STAG1: variants seen among roughly 807,000 people sequenced by gnomAD.
STAG1 encodes the protein cohesin subunit SA-1.
A neutral mutation model predicts 170.9 loss-of-function variants in STAG1; 26 were observed. That is an observed-to-expected ratio of 0.15 (90% CI 0.11 to 0.21). The LOEUF (loss-of-function observed/expected upper bound fraction) is 0.21. Ranked by LOEUF, STAG1 falls within the 10% of genes least tolerant of loss-of-function variation. The probability of loss-of-function intolerance (pLI) is 1.00; values close to 1 mark genes in which losing one functional copy is unlikely to be tolerated. For synonymous variants in STAG1, 514 were observed against 497.7 expected, an observed-to-expected ratio of 1.03 and a Z score of -0.44; for missense variants, 964 against 1,509.5, an observed-to-expected ratio of 0.64 and a Z score of 5.99.
chr3:136,607,693 G>A (rs777344738), intron 3 of STAG1, among the ~76,000 whole-genome samples: 1 of 152,180 alleles, frequency 6.6e-6, no homozygotes, highest in African/African-American at 2.4e-5. Flanking sequence ...GTGAGCCACC[G>A]TGTCCGATGT....
At chr3:136,600,583 G>A (rs1427434375) in intron 4 of STAG1, among the ~76,000 whole-genome samples, 4 of 152,182 alleles carry the variant, frequency 2.6e-5, no homozygotes, top group African/African-American at 9.7e-5. Flanking sequence ...CCAGGCTGGC[G>A]TGTAGTGGCA....
At chr3:136,580,785 G>A (rs1041672761) in intron 4 of STAG1, among the ~76,000 whole-genome samples, 6 of 151,332 alleles carry the variant, frequency 4.0e-5, no homozygotes, top group East Asian at 3.9e-4. Context: ...CACCCGCCTC[G>A]GCCTCCCAAA....
At chr3:136,611,263 C>T (rs993413552) in intron 3 of STAG1, among the ~76,000 whole-genome samples, 1 of 152,054 alleles carries the variant, frequency 6.6e-6, no homozygotes, top group African/African-American at 2.4e-5. Context: ...GATTCTCCTG[C>T]CTCAGACTCC....
intron 1 of STAG1, among the ~76,000 whole-genome samples, chr3:136,650,817 T>C (rs549925536): frequency 2.0e-5 from 3 of 151,096 alleles, no homozygotes; most frequent in Non-Finnish European, 4.4e-5. Context: ...CAAGAAAAAA[T>C]AAACTGGTAG....
chr3:136,465,262 T>C (rs1476907272), intron 12 of STAG1, among the ~76,000 whole-genome samples: 3 of 142,334 alleles, frequency 2.1e-5, no homozygotes, highest in Non-Finnish European at 4.5e-5. Flanking sequence ...CTCTGTCAAC[T>C]AGGCTGGAGT....
intron 1 of STAG1, among the ~76,000 whole-genome samples, chr3:136,698,092 T>C (rs1261042258): frequency 5.3e-5 from 8 of 151,804 alleles, no homozygotes; most frequent in Non-Finnish European, 8.8e-5. Context: ...AAAACTCTTC[T>C]AGACATTGGC....
chr3:136,616,533 G>A (rs1939604225), intron 3 of STAG1, among the ~76,000 whole-genome samples: 1 of 152,116 alleles, frequency 6.6e-6, no homozygotes, highest in African/African-American at 2.4e-5. Flanking sequence ...GATCACAAAA[G>A]AGTGCACATT....
At chr3:136,477,922 T>C (rs1202942775) in intron 9 of STAG1, among the ~76,000 whole-genome samples, 2 of 152,118 alleles carry the variant, frequency 1.3e-5, no homozygotes, top group Non-Finnish European at 2.9e-5. Context: ...CCCAAGTAGC[T>C]GAGACTACAG....
chr3:136,649,346 G>A (rs889320770), intron 1 of STAG1, among the ~76,000 whole-genome samples: 2 of 151,928 alleles, frequency 1.3e-5, no homozygotes, highest in Non-Finnish European at 2.9e-5. Flanking sequence ...GGGCATGGTG[G>A]CACGTGCCTG....
intron 29 of STAG1, among the ~76,000 whole-genome samples, chr3:136,347,084 A>T (rs1341607747): frequency 2.7e-5 from 4 of 149,056 alleles, no homozygotes; most frequent in African/African-American, 7.4e-5. Context: ...GTCTCATTAA[A>T]AAAAAAAAAA....
At chr3:136,572,256 T>C (rs1172713316) in intron 4 of STAG1, among the ~76,000 whole-genome samples, 4 of 151,136 alleles carry the variant, frequency 2.6e-5, no homozygotes, top group African/African-American at 7.3e-5. Flanking sequence ...AAATAAACAT[T>C]AAAACATACT....
intron 21 of STAG1, among the ~76,000 whole-genome samples, chr3:136,412,064 A>G (rs1228602647): frequency 6.6e-6 from 1 of 152,174 alleles, no homozygotes; most frequent in African/African-American, 2.4e-5. Flanking sequence ...GTACATAGGA[A>G]CTGGATTGAA....
At chr3:136,720,529 C>T (rs764047181) in intron 1 of STAG1, among the ~76,000 whole-genome samples, 6 of 152,180 alleles carry the variant, frequency 3.9e-5, no homozygotes, top group Non-Finnish European at 7.3e-5. Flanking sequence ...GTGGCTCACA[C>T]CTGTAATACC....
At chr3:136,430,130 C>T (rs543350580) in intron 16 of STAG1, 1 of 152,256 alleles carries the variant, frequency 6.6e-6, no homozygotes, top group South Asian at 2.1e-4. Flanking sequence ...AGGGGCCATG[C>T]TCATCTTCTC....
intron 21 of STAG1, among the ~76,000 whole-genome samples, chr3:136,408,178 A>G (rs1046255887): frequency 6.6e-6 from 1 of 152,208 alleles, no homozygotes; most frequent in South Asian, 2.1e-4. Flanking sequence ...ATTTGCATCT[A>G]TGCCTCTGTA....
chr3:136,405,246 T>G, intron 21 of STAG1, among the ~76,000 whole-genome samples: 1 of 138,292 alleles, frequency 7.2e-6, no homozygotes, highest in South Asian at 2.5e-4. Flanking sequence ...TTTTTTTTTT[T>G]TTTTTTTTTT....
intron 1 of STAG1, among the ~76,000 whole-genome samples, chr3:136,671,291 AAAAG>A (rs1941972100): frequency 6.6e-6 from 1 of 152,088 alleles, no homozygotes; most frequent in Non-Finnish European, 1.5e-5. Context: ...CTCAAAAATA[AAAAG>A]AAAGCACACA....
In STAG1 at chr3:136,343,834, G is replaced by T; in HGVS notation, c.3444C>A (p.His1148Gln). Residue 1148 changes from histidine to glutamine, a missense_variant and splice_region_variant, in exon 30 of 34, where the codon CAC becomes CAA. His to Gln is a conservative substitution (Grantham distance 24). Around this residue, in one of 11 missense-constraint regions of STAG1, gnomAD observed 122 missense variants for 129.0 expected, o/e 0.95. Coordinates refer to ENST00000383202, the MANE Select transcript of STAG1 (RefSeq NM_005862.3). ...SEHGSEPDFLHNPQMQISWLG... is the reference protein window; with the variant it reads ...SEHGSEPDFLQNPQMQISWLG... ...AAAGACAAATTTTTGCTACTTACTTGTGTAAAAAGTCTGGTTCAGAACCAT... is the reference window on the plus strand; with the variant it reads ...AAAGACAAATTTTTGCTACTTACTTTTGTAAAAAGTCTGGTTCAGAACCAT... The T allele has an allele frequency of 6.5e-7, 1 of 1,534,520 alleles. No individual in the cohort carries two copies.
At chr3:136,636,239 ACT>A (rs1176731872) in intron 1 of STAG1, among the ~76,000 whole-genome samples, 5 of 151,176 alleles carry the variant, frequency 3.3e-5, no homozygotes, top group African/African-American at 9.7e-5. Flanking sequence ...CAAGAAAGAA[ACT>A]CTGTCTCAAA....
Sources: allele counts gnomAD v4.1 joint callset (sites outside exome capture counted in the v4.1 genomes callset), GRCh38; gene constraint gnomAD v4.1.1; regional missense constraint gnomAD v4.1.1; transcripts MANE v1.5; gene names NCBI Gene and HGNC (gene_info 2026-07-23, HGNC 2026-07-21).